The following IRS2 variants were observed in gnomAD, a reference collection of about 807,000 sequenced individuals.
The protein encoded by IRS2 is insulin receptor substrate 2.
IRS2 carries 28 observed loss-of-function variants against 70.9 expected under a neutral mutation model. The ratio of observed to expected loss-of-function variants is 0.39; its 90% CI spans 0.29 to 0.54. IRS2 has a LOEUF of 0.54. Ranked by LOEUF, IRS2 falls within the 20% of genes least tolerant of loss-of-function variation. The pLI is 0.59. For synonymous variants in IRS2, 1,217 were observed against 981.9 expected (o/e 1.24, Z -4.48); for missense variants, 2,081 against 2,024.1 (o/e 1.03, Z -0.54).
chr13:109,786,176 G>A lies in IRS2; in HGVS notation c.-123C>T. On this transcript the variant is annotated 5_prime_UTR_variant, in exon 1 of 2. In the 5' UTR this introduces an upstream ATG that the reference lacks. Coordinates refer to ENST00000375856, the MANE Select transcript of IRS2 (RefSeq NM_003749.3). This position sits in a 1 kb window ranked among gnomAD's most constrained non-coding sequence, Gnocchi z 4.4. ...CGCCCGGCCGCCCGCCCGATCACGCGTCCCTCGGGCCCAGGCGGTGGGGAA... is the reference window on the plus strand; with the variant it reads ...CGCCCGGCCGCCCGCCCGATCACGCATCCCTCGGGCCCAGGCGGTGGGGAA... 1 of 472,630 alleles carries A rather than the reference G, an allele frequency of 2.1e-6. No homozygotes were observed. The highest frequency in any genetic ancestry group is 2.7e-6 in the Non-Finnish European group (1 of 364,012). 29.3% of individuals were successfully genotyped at this position (472,630 alleles called of 1,614,324 possible).
chr13:109,760,168 A>AGTAGAAGCAAAGAATTATTAATTTTATG (rs1877196667), intron 1 of IRS2, among the ~76,000 whole-genome samples: 1 of 152,230 alleles, frequency 6.6e-6, no homozygotes, highest in Non-Finnish European at 1.5e-5. Flanking sequence ...TGTTCATTTT[A>AGTAGAAGCAAAGAATTATTAATTTTATG]GTAGAAGCAA....
chr13:109,756,211 T>C lies in IRS2; in HGVS notation c.*93A>G, dbSNP rs1287893269. On this transcript the variant is annotated 3_prime_UTR_variant, in exon 2 of 2. Coordinates refer to ENST00000375856, the MANE Select transcript of IRS2 (RefSeq NM_003749.3). ...TCATTGCTCAGATCCAAAAGAAAAC[T>C]GCAAGCAGCTTCGGGCTGAAACAGT... is the stretch of plus-strand genomic sequence containing the variant. The C allele has an allele frequency of 5.6e-5, 63 of 1,123,816 alleles. No homozygotes were observed. Among genetic ancestry groups the C allele is most frequent in the Non-Finnish European group, 4.8e-5 (35 of 734,712 alleles). The allele number at this position is 1,123,816 out of a possible 1,614,324, so 69.6% of individuals were successfully genotyped here.
intron 1 of IRS2, among the ~76,000 whole-genome samples, chr13:109,757,546 C>T (rs754726703): frequency 1.3e-5 from 2 of 152,086 alleles, no homozygotes; most frequent in African/African-American, 4.8e-5. Context: ...CTTATGAACT[C>T]GAGGCACTAC....
rs1371079692 is a variant in IRS2, at chr13:109,785,099, C to G, written c.955G>C (p.Val319Leu). Residue 319 changes from valine to leucine, a missense_variant, in exon 1 of 2, where the codon GTC (valine) becomes CTC (leucine). By Grantham distance (32) the Val-to-Leu change is conservative. This residue lies in a region of IRS2 where 111 missense variants were observed against 133.1 expected (regional missense o/e 0.83). Transcript: ENST00000375856. This position sits in a 1 kb window ranked among gnomAD's most constrained non-coding sequence, Gnocchi z 9.3. ...TGGTGGTGGCGGCGCGCGCCGGGGA[C>G]GCTGATGGGGTGCGTGGCCGACGAC... ...SGSSATHPIS[V>L]PGARRHHHLV... The G allele has an allele frequency of 3.8e-6, 6 of 1,588,020 alleles. No individual in the cohort carries two copies. Among genetic ancestry groups the G allele is most frequent in the Non-Finnish European group, 5.1e-6 (6 of 1,168,308 alleles).
chr13:109,757,284 G>A (rs1877128226), intron 1 of IRS2, among the ~76,000 whole-genome samples: 2 of 152,068 alleles, frequency 1.3e-5, no homozygotes, highest in Non-Finnish European at 2.9e-5. Flanking sequence ...GCAACATGAG[G>A]GTGAGCACCG....
intron 1 of IRS2, among the ~76,000 whole-genome samples, chr13:109,779,395 C>G (rs568715552): frequency 5.3e-5 from 8 of 152,204 alleles, no homozygotes; most frequent in Non-Finnish European, 1.2e-4. Flanking sequence ...CTTTGCAAGT[C>G]GGCCTTCTAC....
At position 109,783,448 on chromosome 13, in the gene IRS2, G is replaced by C. The variant is rs985325000; in HGVS notation, c.2606C>G (p.Pro869Arg). ...CGGGCGGCCGCCGCTAGGCCGCACG[G>C]GCGAAGGCACTACAGGGTGAGGGGG... is the stretch of plus-strand genomic sequence containing the variant. ...TQPPHPVVPS[P>R]VRPSGGRPEG... The change falls in exon 1 of 2, where the codon CCC (proline) becomes CGC (arginine). Residue 869 changes from proline (P) to arginine (R), a missense_variant. By Grantham distance (103) the Pro-to-Arg change is moderately radical (BLOSUM62 -2). Transcript: ENST00000375856. 6.5e-7 allele frequency: 1 copy of C among 1,533,074 alleles called. No individual in the cohort carries two copies. Among genetic ancestry groups the C allele is most frequent in the Non-Finnish European group, 8.7e-7 (1 of 1,143,942 alleles). The allele number at this position is 1,533,074 out of a possible 1,614,324, so 95.0% of individuals were successfully genotyped here.
intron 1 of IRS2, among the ~76,000 whole-genome samples, chr13:109,769,838 G>T (rs1877413904): frequency 6.6e-6 from 1 of 152,110 alleles, no homozygotes; most frequent in African/African-American, 2.4e-5. Flanking sequence ...TGTCATCTTT[G>T]TAATGAAAAC....
rs1356655149 is a variant in IRS2 at position 109,769,312 on chromosome 13, A to G, written c.4012+12730T>C. 4.6e-5 allele frequency among the ~76,000 whole-genome samples: 7 copies of G among 152,298 alleles called. No individual in the cohort carries two copies. In the East Asian group the frequency reaches 1.3e-3, roughly 29 times the overall value. ...TTCCCAAGGACTCTATCTCCCTCAC[A>G]CACTGTGACATGTGGGCTAACATCA... On this transcript the variant is annotated intron_variant, in intron 1 of 1. Coordinates refer to ENST00000375856, the MANE Select transcript of IRS2 (RefSeq NM_003749.3).
intron 1 of IRS2, among the ~76,000 whole-genome samples, chr13:109,756,837 T>A (rs1435910130): frequency 6.6e-6 from 1 of 152,202 alleles, no homozygotes; most frequent in Admixed American, 6.5e-5. Flanking sequence ...GAGTAACTAA[T>A]AACTCCACAC....
At chr13:109,771,635 G>C (rs1877453266) in intron 1 of IRS2, among the ~76,000 whole-genome samples, 1 of 152,156 alleles carries the variant, frequency 6.6e-6, no homozygotes, top group Non-Finnish European at 1.5e-5. Context: ...CGTTATTTTA[G>C]GTTGCTTTTA....
At chr13:109,763,277 T>C (rs1188313073) in intron 1 of IRS2, among the ~76,000 whole-genome samples, 2 of 152,352 alleles carry the variant, frequency 1.3e-5, no homozygotes, top group South Asian at 2.1e-4. Context: ...TTGAAAATTA[T>C]CTGCAAGCTT....
chr13:109,785,634 G>A lies in IRS2; in HGVS notation c.420C>T (p.Thr140=), dbSNP rs888681501. 1.9e-6 allele frequency: 3 copies of A among 1,541,080 alleles called. No homozygotes were observed. The highest frequency in any genetic ancestry group is 1.4e-5 in the African/African-American group (1 of 70,874). Residue 140 remains threonine, a synonymous_variant, in exon 1 of 2, where the codon ACC becomes ACT. Coordinates refer to ENST00000375856, the MANE Select transcript of IRS2 (RefSeq NM_003749.3). The surrounding 1 kb of genome is among the most constrained non-coding windows in gnomAD (Gnocchi z 9.3). ...CCGCGCGGCCCTCGCTGACCAGGTCGGTGAGCGCGCGGTACCAGCCCTCCT... is the reference window on the plus strand; with the variant it reads ...CCGCGCGGCCCTCGCTGACCAGGTCAGTGAGCGCGCGGTACCAGCCCTCCT... The part of the protein sequence containing the change: ...QEQEGWYRAL[T]DLVSEGRAAA...
chr13:109,773,893 CTGAGA>C (rs2138922067), intron 1 of IRS2, among the ~76,000 whole-genome samples: 1 of 152,318 alleles, frequency 6.6e-6, no homozygotes, highest in South Asian at 2.1e-4. Flanking sequence ...AAAGAACCAA[CTGAGA>C]TGTGTCATTG....
rs1192156209 is a variant in IRS2 at position 109,755,358 on chromosome 13, T to A, written c.*946A>T. 4.4e-6 allele frequency: 1 copy of A among 227,322 alleles called. No individual in the cohort carries two copies. The highest frequency in any genetic ancestry group is 8.7e-6 in the Non-Finnish European group (1 of 114,582). The allele number at this position is 227,322 out of a possible 1,614,324, so 14.1% of individuals were successfully genotyped here. On this transcript the variant is annotated 3_prime_UTR_variant, in exon 2 of 2. Coordinates refer to ENST00000375856, the MANE Select transcript of IRS2 (RefSeq NM_003749.3). ...GGAATTGCTAGCACGCCTACAGGGA[T>A]TTTTGGTTACAGAAAGGCATGCCCA...
Position 109,783,447 on chromosome 13 carries a change from G to T in IRS2, c.2607C>A (p.Pro869=), listed in dbSNP as rs531803302. Residue 869 remains proline, a synonymous_variant, in exon 1 of 2, where the codon CCC becomes CCA. Coordinates refer to ENST00000375856, the MANE Select transcript of IRS2 (RefSeq NM_003749.3). ...CCGGGCGGCCGCCGCTAGGCCGCAC[G>T]GGCGAAGGCACTACAGGGTGAGGGG... ...TQPPHPVVPS[P]VRPSGGRPEG... 4.2e-4 allele frequency: 640 copies of T among 1,526,646 alleles called. 2 individuals carry two copies. Among genetic ancestry groups the T allele is most frequent in the Admixed American group, 3.5e-3 (168 of 48,354 alleles). 94.6% of individuals were successfully genotyped at this position (1,526,646 alleles called of 1,614,324 possible). A position where few individuals can be genotyped will look rare whatever the true frequency, so the allele number is the denominator to read the frequency against.
At position 109,786,118 on chromosome 13, in the gene IRS2, G is replaced by A. The variant is rs1282434271; in HGVS notation, c.-65C>T. 1.1e-6 allele frequency: 1 copy of A among 917,788 alleles called. No homozygotes were observed. The highest frequency in any genetic ancestry group is 6.3e-5 in the Admixed American group (1 of 15,822). 56.9% of individuals were successfully genotyped at this position (917,788 alleles called of 1,614,324 possible). Reference sequence around the variant, plus strand: ...AGGGGTTGGGGCGAGGGGCGGAGGGGGCGCGGGCGGGGGCGGCTCCCTCCC... The same window carrying A: ...AGGGGTTGGGGCGAGGGGCGGAGGGAGCGCGGGCGGGGGCGGCTCCCTCCC... On this transcript the variant is annotated 5_prime_UTR_variant, in exon 1 of 2. Coordinates refer to ENST00000375856, the MANE Select transcript of IRS2 (RefSeq NM_003749.3). This position sits in a 1 kb window ranked among gnomAD's most constrained non-coding sequence, Gnocchi z 4.4.
At position 109,784,795 on chromosome 13, in the gene IRS2, G is replaced by A. The variant is rs1428403655; in HGVS notation, c.1259C>T (p.Pro420Leu). 7.9e-7 allele frequency: 1 copy of A among 1,266,892 alleles called. No individual in the cohort carries two copies. Among genetic ancestry groups the A allele is most frequent in the Non-Finnish European group, 1.0e-6 (1 of 1,001,824 alleles). The allele number at this position is 1,266,892 out of a possible 1,614,324, so 78.5% of individuals were successfully genotyped here. A position where few individuals can be genotyped will look rare whatever the true frequency, so the allele number is the denominator to read the frequency against. Residue 420 changes from proline (P) to leucine (L), a missense_variant, in exon 1 of 2, where the codon CCG (proline) becomes CTG (leucine). By Grantham distance (98) the Pro-to-Leu change is moderately conservative. Around this residue, in one of 4 missense-constraint regions of IRS2, gnomAD observed 1,615 missense variants for 1,459.5 expected, o/e 1.11. Transcript: ENST00000375856. This position sits in a 1 kb window ranked among gnomAD's most constrained non-coding sequence, Gnocchi z 5.2. ...GGRGSKVALL[P>L]AGGALQHSRS... Reference sequence around the variant, plus strand: ...GCTGTGTTGCAGCGCGCCCCCTGCCGGCAGCAGCGCCACCTTGCTCCCGCG... The same window carrying A: ...GCTGTGTTGCAGCGCGCCCCCTGCCAGCAGCAGCGCCACCTTGCTCCCGCG...
Position 109,752,936 on chromosome 13 carries a change from T to C in IRS2, c.*3368A>G, listed in dbSNP as rs1014176295. 2.6e-5 allele frequency: 4 copies of C among 152,150 alleles called. No individual in the cohort carries two copies. Among genetic ancestry groups the C allele is most frequent in the African/African-American group, 7.3e-5 (3 of 41,304 alleles). The allele number at this position is 152,150 out of a possible 1,614,324, so 9.4% of individuals were successfully genotyped here. On this transcript the variant is annotated 3_prime_UTR_variant, in exon 2 of 2. Coordinates refer to ENST00000375856, the MANE Select transcript of IRS2 (RefSeq NM_003749.3). ...ATCGGTATGTCTTCTTCTGTGTTTG[T>C]GTCATGGAGGCAGCATTCTTCTTCT...
Sources: allele counts gnomAD v4.1 joint callset (sites outside exome capture counted in the v4.1 genomes callset), GRCh38; gene constraint gnomAD v4.1.1; regional missense constraint gnomAD v4.1.1; non-coding constraint Gnocchi (gnomAD v3.1); transcripts MANE v1.5; gene names NCBI Gene and HGNC (gene_info 2026-07-23, HGNC 2026-07-21).